SQOR: variants seen among roughly 807,000 people sequenced by gnomAD.
SQOR encodes the protein sulfide:quinone oxidoreductase, mitochondrial.
A neutral mutation model predicts 48.6 loss-of-function variants in SQOR; 39 were observed. The observed-to-expected ratio is 0.80, with a 90% CI of 0.62 to 1.05. SQOR has a LOEUF of 1.05. Among genes scored for constraint, SQOR ranks in the 50% least tolerant of loss-of-function variants. The pLI is 0.00. For synonymous variants in SQOR, 220 were observed against 206.2 expected, an observed-to-expected ratio of 1.07 and a Z score of -0.57; for missense variants, 561 against 559.9, an observed-to-expected ratio of 1.00 and a Z score of -0.02.
Position 45,674,011 on chromosome 15 carries a change from A to C in SQOR, c.654+210A>C, listed in dbSNP as rs1366880880. The C allele has an allele frequency of 5.2e-6, 3 of 574,794 alleles. No individual in the cohort carries two copies. In the East Asian group the frequency reaches 9.0e-5, roughly 17 times the overall value. 35.6% of individuals were successfully genotyped at this position (574,794 alleles called of 1,614,324 possible). ...TTGCTTTAATAAAGCTGCAGTTTTC[A>C]ATTTGACATGGCTTTCCAGCTTTTT... On this transcript the variant is annotated intron_variant, in intron 5 of 9. Transcript: ENST00000260324.
At chr15:45,636,442 T>G (rs1436546957) in intron 1 of SQOR, among the ~76,000 whole-genome samples, 1 of 150,332 alleles carries the variant, frequency 6.7e-6, no homozygotes, top group Non-Finnish European at 1.5e-5. Context: ...TCTCACTCTG[T>G]CACCAGGCTG....
intron 3 of SQOR, among the ~76,000 whole-genome samples, chr15:45,666,327 C>T (rs1889815539): frequency 6.6e-6 from 1 of 152,170 alleles, no homozygotes; most frequent in Non-Finnish European, 1.5e-5. Context: ...ATGCCTATCT[C>T]ACTCACTAGA....
intron 1 of SQOR, among the ~76,000 whole-genome samples, chr15:45,638,773 A>G (rs562866731): frequency 1.3e-5 from 2 of 152,226 alleles, no homozygotes; most frequent in African/African-American, 4.8e-5. Flanking sequence ...AAGTTAGGTC[A>G]TTAAGGTGGA....
intron 3 of SQOR, among the ~76,000 whole-genome samples, chr15:45,669,717 C>T (rs907511555): frequency 2.6e-5 from 4 of 152,124 alleles, no homozygotes; most frequent in Admixed American, 6.5e-5. Flanking sequence ...GTCTGCCCAC[C>T]TCCCCCAGCC....
chr15:45,677,827 A>G (rs999249609), intron 6 of SQOR, among the ~76,000 whole-genome samples: 2 of 152,198 alleles, frequency 1.3e-5, no homozygotes, highest in African/African-American at 4.8e-5. Flanking sequence ...CAGCTTCATG[A>G]GTAGCTGGGA....
intron 1 of SQOR, among the ~76,000 whole-genome samples, chr15:45,652,163 C>G (rs914061437): frequency 7.2e-5 from 11 of 152,266 alleles, no homozygotes; most frequent in African/African-American, 2.4e-4. Flanking sequence ...CGTGAGCCAC[C>G]ACGTCCGGCC....
intron 1 of SQOR, among the ~76,000 whole-genome samples, chr15:45,638,676 A>G (rs1255555831): frequency 1.3e-5 from 2 of 151,962 alleles, no homozygotes; most frequent in East Asian, 3.9e-4. Context: ...TTGAGCCAAG[A>G]TTATCATGCC....
chr15:45,660,231 G>T (rs145063662), intron 2 of SQOR, among the ~76,000 whole-genome samples: 17 of 152,276 alleles, frequency 1.1e-4, no homozygotes, highest in Non-Finnish European at 2.4e-4. Context: ...TGTTTCAGGG[G>T]GAGGACAGGA....
At chr15:45,657,503 C>T (rs1889632515) in intron 1 of SQOR, among the ~76,000 whole-genome samples, 1 of 152,248 alleles carries the variant, frequency 6.6e-6, no homozygotes. Context: ...TGAGCCTGTC[C>T]TACTTACCGT....
chr15:45,641,340 G>A (rs969301436), intron 1 of SQOR, among the ~76,000 whole-genome samples: 4 of 152,106 alleles, frequency 2.6e-5, no homozygotes, highest in African/African-American at 9.7e-5. Flanking sequence ...CAGTAACTCT[G>A]CAAAGAAAAT....
At chr15:45,634,845 G>A (rs1894968119), upstream of SQOR, 1 of 152,282 alleles carries the variant, frequency 6.6e-6, no homozygotes, top group African/African-American at 2.4e-5. Context: ...ACCCCAGGCC[G>A]GATGGACGCT....
chr15:45,656,271 A>G (rs896751099), intron 1 of SQOR, among the ~76,000 whole-genome samples: 2 of 152,328 alleles, frequency 1.3e-5, no homozygotes, highest in East Asian at 1.9e-4. Flanking sequence ...AATGTTAATT[A>G]TCATCTAAAG....
At chr15:45,677,265 C>A (rs1890054637) in intron 6 of SQOR, among the ~76,000 whole-genome samples, 1 of 151,680 alleles carries the variant, frequency 6.6e-6, no homozygotes, top group Non-Finnish European at 1.5e-5. Flanking sequence ...CCATCCATAT[C>A]TAGTTTTTCC....
At chr15:45,657,546 T>A (rs1043082018) in intron 1 of SQOR, among the ~76,000 whole-genome samples, 1 of 152,084 alleles carries the variant, frequency 6.6e-6, no homozygotes, top group African/African-American at 2.4e-5. Flanking sequence ...CAGCTCTAGG[T>A]TGCTTCTCAG....
intron 1 of SQOR, among the ~76,000 whole-genome samples, chr15:45,636,089 A>G (rs1188759113): frequency 1.3e-5 from 2 of 152,150 alleles, no homozygotes; most frequent in Non-Finnish European, 2.9e-5. Flanking sequence ...TCGGCCTTCC[A>G]AAGTGCTGGG....
chr15:45,641,253 G>A (rs1469658251), intron 1 of SQOR, among the ~76,000 whole-genome samples: 1 of 152,164 alleles, frequency 6.6e-6, no homozygotes, highest in East Asian at 1.9e-4. Context: ...GGATAGGTCA[G>A]GATAATTTGT....
chr15:45,639,657 G>A (rs1263407110), intron 1 of SQOR, among the ~76,000 whole-genome samples: 2 of 152,250 alleles, frequency 1.3e-5, no homozygotes, highest in Non-Finnish European at 2.9e-5. Flanking sequence ...GGTAGCCCAT[G>A]ATGTCTCCAT....
chr15:45,691,052 T>C lies in SQOR; in HGVS notation c.*22T>C, dbSNP rs367946363. On this transcript the variant is annotated 3_prime_UTR_variant, in exon 10 of 10. Transcript: ENST00000260324. ...TTAAGGATGGCTCAGCACTTGCTCA[T>C]CTTGGATGGCTTCTGGGCCAAAACT... is the stretch of plus-strand genomic sequence containing the variant. The C allele has an allele frequency of 6.2e-7, 1 of 1,612,026 alleles. No homozygotes were observed. The highest frequency in any genetic ancestry group is 1.3e-5 in the African/African-American group (1 of 74,880).
chr15:45,676,038 T>C, intron 5 of SQOR, 63 bp from the exon 6 acceptor site: 3 of 1,438,706 alleles, frequency 2.1e-6, no homozygotes, highest in Non-Finnish European at 2.8e-6. Context: ...CTTGTCTGGA[T>C]TAAAAAAAAA....
Sources: allele counts gnomAD v4.1 joint callset (sites outside exome capture counted in the v4.1 genomes callset), GRCh38; gene constraint gnomAD v4.1.1; transcripts MANE v1.5; gene names NCBI Gene and HGNC (gene_info 2026-07-23, HGNC 2026-07-21).